Variants in PGM5 observed in about 807,000 individuals in gnomAD.
PGM5 encodes the protein phosphoglucomutase-like protein 5.
A neutral mutation model predicts 59.2 loss-of-function variants in PGM5; 23 were observed. The observed-to-expected ratio is 0.39, with a 90% CI of 0.28 to 0.55. The LOEUF is 0.55. PGM5 is among the 20% of genes least tolerant of loss of function. The probability of loss-of-function intolerance (pLI) is 0.66; values close to 1 mark genes in which losing one functional copy is unlikely to be tolerated. For missense variants in PGM5, 574 were observed against 748.3 expected, an observed-to-expected ratio of 0.77 and a Z score of 2.72; for synonymous variants, 214 against 286.0, an observed-to-expected ratio of 0.75 and a Z score of 2.54.
chr9:68,418,064 C>T (rs571055436), intron 6 of PGM5, among the ~76,000 whole-genome samples: 2 of 152,374 alleles, frequency 1.3e-5, no homozygotes, highest in Admixed American at 6.5e-5. Context: ...TGACAAGAGG[C>T]TGAGCTGCTT....
chr9:68,482,338 G>T (rs562343907), intron 8 of PGM5, among the ~76,000 whole-genome samples: 1 of 152,080 alleles, frequency 6.6e-6, no homozygotes, highest in African/African-American at 2.4e-5. Flanking sequence ...CCTTTAAAGT[G>T]ACTGCAGTCT....
intron 10 of PGM5, among the ~76,000 whole-genome samples, chr9:68,502,809 C>T (rs1271700620): frequency 2.0e-5 from 3 of 152,276 alleles, no homozygotes; most frequent in Non-Finnish European, 2.9e-5. Flanking sequence ...CCTGCCTCAG[C>T]CCCCCGAGTA....
At chr9:68,401,662 A>G (rs1822670010) in intron 6 of PGM5, among the ~76,000 whole-genome samples, 1 of 151,720 alleles carries the variant, frequency 6.6e-6, no homozygotes, top group African/African-American at 2.4e-5. Flanking sequence ...TTGTTCTCCA[A>G]CGGGAACATT....
chr9:68,461,591 T>C (rs782588256), intron 6 of PGM5, among the ~76,000 whole-genome samples: 2 of 152,166 alleles, frequency 1.3e-5, no homozygotes, highest in Non-Finnish European at 2.9e-5. Context: ...TCCTCATTAA[T>C]GGCATTAAGA....
At chr9:68,497,582 G>C (rs1311295686) in intron 9 of PGM5, 1 of 152,172 alleles carries the variant, frequency 6.6e-6, no homozygotes, top group Admixed American at 6.5e-5. Context: ...TGGGGGTGGG[G>C]GTAAATAATT....
chr9:68,479,392 C>T lies in PGM5; in HGVS notation c.1160-26C>T, dbSNP rs782259077. 3.1e-6 allele frequency: 5 copies of T among 1,588,890 alleles called. No homozygotes were observed. The South Asian group carries it at 5.7e-5, about 18-fold the overall frequency. ...TGCTTTGCTCCCACAAATGAATGCT[C>T]AGCAGAATTTTTCTTTCACCTTTAG... On this transcript the variant is annotated intron_variant, in intron 7 of 10. Transcript: ENST00000396396.
chr9:68,359,891 T>C (rs562803659), intron 1 of PGM5, among the ~76,000 whole-genome samples: 1 of 152,370 alleles, frequency 6.6e-6, no homozygotes, highest in African/African-American at 2.4e-5. Flanking sequence ...TTGCCCAGGC[T>C]GGAGTGCAAT....
chr9:68,357,253 C>T lies in PGM5; in HGVS notation c.126C>T (p.Pro42=). 6.5e-7 allele frequency: 1 copy of T among 1,543,766 alleles called. No individual in the cohort carries two copies. Among genetic ancestry groups the T allele is most frequent in the East Asian group, 2.4e-5 (1 of 40,856 alleles). The change falls in exon 1 of 11, where the codon CCC becomes CCT. Residue 42 remains proline, a synonymous_variant. Transcript: ENST00000396396. ...GLFEGQRNYL[P]NFIQSVLSSI... ...TCGAGGGCCAGCGCAACTACCTGCC[C>T]AACTTTATCCAGAGCGTGCTGTCGT...
intron 1 of PGM5, among the ~76,000 whole-genome samples, chr9:68,359,310 C>T (rs1241921731): frequency 1.3e-5 from 2 of 152,106 alleles, no homozygotes; most frequent in Non-Finnish European, 2.9e-5. Flanking sequence ...AACCTACTAG[C>T]TGTTATAAAG....
rs987156829 is a variant in PGM5 at position 68,529,717 on chromosome 9, T to G, written c.*61T>G. The G allele has an allele frequency of 1.3e-4, 122 of 972,074 alleles. 1 individual carries two copies. The South Asian group carries it at 1.8e-3, about 14-fold the overall frequency. The allele number at this position is 972,074 out of a possible 1,614,324, so 60.2% of individuals were successfully genotyped here. A position where few individuals can be genotyped will look rare whatever the true frequency, so the allele number is the denominator to read the frequency against. On this transcript the variant is annotated 3_prime_UTR_variant, in exon 11 of 11. Transcript: ENST00000396396. The stretch of plus-strand genomic sequence containing the variant: ...TGCTCAGCGGGAGATGCTTCACTGA[T>G]GCCTTCTTGCTACCTGTTTGTGCCT...
At chr9:68,418,991 A>G (rs540438238) in intron 6 of PGM5, among the ~76,000 whole-genome samples, 43 of 152,288 alleles carry the variant, frequency 2.8e-4, no homozygotes, top group Non-Finnish European at 4.7e-4. Context: ...CCCGTTTCAA[A>G]ATGGCTGGAA....
intron 6 of PGM5, among the ~76,000 whole-genome samples, chr9:68,440,233 G>T (rs1564006218): frequency 6.6e-6 from 1 of 152,150 alleles, no homozygotes; most frequent in Non-Finnish European, 1.5e-5. Flanking sequence ...CTATCAGCTA[G>T]ATTTAATTTA....
intron 6 of PGM5, among the ~76,000 whole-genome samples, 195 bp from the exon 7 acceptor site, chr9:68,464,898 A>G (rs1457212092): frequency 3.3e-5 from 5 of 152,198 alleles, no homozygotes; most frequent in Non-Finnish European, 7.3e-5. Flanking sequence ...AGAAAGCAAA[A>G]TTGAGAACCA....
At chr9:68,436,999 A>G (rs1291706567) in intron 6 of PGM5, among the ~76,000 whole-genome samples, 1 of 152,230 alleles carries the variant, frequency 6.6e-6, no homozygotes, top group Non-Finnish European at 1.5e-5. Flanking sequence ...GAATTTCTTC[A>G]CTAAAATTTA....
chr9:68,361,217 T>C (rs1834572577), intron 1 of PGM5, among the ~76,000 whole-genome samples: 1 of 152,232 alleles, frequency 6.6e-6, no homozygotes, highest in Admixed American at 6.5e-5. Flanking sequence ...AATTAGTTTC[T>C]TCTAATCAAG....
At chr9:68,369,323 A>G (rs1230275090) in intron 1 of PGM5, among the ~76,000 whole-genome samples, 2 of 152,130 alleles carry the variant, frequency 1.3e-5, no homozygotes, top group Non-Finnish European at 2.9e-5. Flanking sequence ...ATTCTTTCCC[A>G]TCGAACACCA....
intron 6 of PGM5, among the ~76,000 whole-genome samples, chr9:68,439,699 A>AT (rs1823497283): frequency 6.7e-6 from 1 of 149,892 alleles, no homozygotes; most frequent in African/African-American, 2.5e-5. Context: ...ACACATATAT[A>AT]TATATATACA....
intron 4 of PGM5, among the ~76,000 whole-genome samples, chr9:68,389,940 A>G (rs1822322756): frequency 6.6e-6 from 1 of 152,108 alleles, no homozygotes; most frequent in African/African-American, 2.4e-5. Context: ...ATTCTACTCT[A>G]TCTTGTTAAT....
At chr9:68,357,436 C>A in intron 1 of PGM5, 48 bp downstream of exon 1, 2 of 1,539,448 alleles carry the variant, frequency 1.3e-6, no homozygotes, top group African/African-American at 1.4e-5. Flanking sequence ...CCGCCATGCC[C>A]TCTCCTAGCC....
Sources: gnomAD v4.1 joint callset for allele counts (sites outside exome capture counted in the v4.1 genomes callset) on GRCh38, gnomAD v4.1.1 for gene constraint, MANE v1.5 for transcripts, NCBI Gene and HGNC (gene_info 2026-07-23, HGNC 2026-07-21) for gene names.